GAB1: variants seen among roughly 807,000 people sequenced by gnomAD.
GAB1 encodes the protein GRB2-associated-binding protein 1.
Under a neutral mutation model 66.5 loss-of-function variants are expected in GAB1, and 19 were observed. The ratio of observed to expected loss-of-function variants is 0.29; its 90% CI spans 0.20 to 0.42. The LOEUF (loss-of-function observed/expected upper bound fraction) is 0.42. Among genes scored for constraint, GAB1 ranks in the 10% least tolerant of loss-of-function variants. The pLI, the probability that GAB1 is intolerant of heterozygous loss-of-function variation, is 1.00. For missense variants in GAB1, 732 were observed against 858.5 expected, an observed-to-expected ratio of 0.85 and a Z score of 1.84; for synonymous variants, 294 against 301.4, an observed-to-expected ratio of 0.98 and a Z score of 0.25.
At chr4:143,368,021 C>T (rs1178625242) in intron 1 of GAB1, among the ~76,000 whole-genome samples, 3 of 151,990 alleles carry the variant, frequency 2.0e-5, no homozygotes, top group Admixed American at 6.6e-5. Flanking sequence ...CACTGCTGCT[C>T]GGCCAGGGTC....
chr4:143,397,133 G>T (rs966352012), intron 1 of GAB1, among the ~76,000 whole-genome samples: 1 of 152,178 alleles, frequency 6.6e-6, no homozygotes, highest in Non-Finnish European at 1.5e-5. Context: ...CATCTAATGT[G>T]ACAGGAGCTT....
At chr4:143,417,452 G>T in intron 2 of GAB1, 1 of 430,644 alleles carries the variant, frequency 2.3e-6, no homozygotes, top group South Asian at 1.7e-5. Context: ...TTGTCGTCTA[G>T]GCTGGAGTAC....
intron 1 of GAB1, among the ~76,000 whole-genome samples, chr4:143,385,548 G>A (rs758895047): frequency 6.6e-6 from 1 of 152,098 alleles, no homozygotes; most frequent in Non-Finnish European, 1.5e-5. Flanking sequence ...CCTTCCTCTC[G>A]TTTCTCTGCC....
Position 143,407,512 on chromosome 4 carries a change from A to C in GAB1, c.73-7965A>C, listed in dbSNP as rs1732114144. Among the ~76,000 whole-genome samples, 5 of 152,142 alleles carry C rather than the reference A, an allele frequency of 3.3e-5. No homozygotes were observed. In the South Asian group the frequency reaches 1.0e-3, roughly 31 times the overall value. On this transcript the variant is annotated intron_variant, in intron 1 of 9. Coordinates refer to ENST00000262994, the MANE Select transcript of GAB1 (RefSeq NM_002039.4). ...AATGTACGTAAACTCTAATATCTTA[A>C]GTTTATGGAACAGTTGAAAGCTTAG...
chr4:143,468,602 T>C (rs1401983231), intron 9 of GAB1, among the ~76,000 whole-genome samples: 1 of 152,122 alleles, frequency 6.6e-6, no homozygotes, highest in South Asian at 2.1e-4. Context: ...TAGTTGATGT[T>C]ATTTTTTGTG....
intron 1 of GAB1, among the ~76,000 whole-genome samples, chr4:143,362,801 C>G (rs1202447475): frequency 1.3e-5 from 2 of 152,126 alleles, no homozygotes; most frequent in Admixed American, 1.3e-4. Context: ...GTGCCCACCT[C>G]CTATCTCATC....
chr4:143,393,196 G>A (rs1195387430), intron 1 of GAB1, among the ~76,000 whole-genome samples: 1 of 136,120 alleles, frequency 7.3e-6, no homozygotes, highest in African/African-American at 2.8e-5. Context: ...TACTGTTTAA[G>A]AAGGTTTTTC....
At chr4:143,399,684 T>A (rs896725538) in intron 1 of GAB1, among the ~76,000 whole-genome samples, 2 of 152,242 alleles carry the variant, frequency 1.3e-5, no homozygotes, top group African/African-American at 4.8e-5. Flanking sequence ...TCATTCATCC[T>A]TCTTATAAGG....
At chr4:143,425,913 A>C in intron 2 of GAB1, 1 of 1,359,748 alleles carries the variant, frequency 7.4e-7, no homozygotes, top group South Asian at 1.2e-5. Flanking sequence ...GGTAGGAGCA[A>C]CCACTGGAAG....
chr4:143,451,332 C>T (rs992937723), intron 6 of GAB1, among the ~76,000 whole-genome samples: 5 of 151,614 alleles, frequency 3.3e-5, no homozygotes, highest in African/African-American at 4.8e-5. Context: ...GGTAGGTGGG[C>T]GGGCAAAAAG....
rs192319669 is a variant in GAB1, at chr4:143,416,021, A to G, written c.367+250A>G. Among the ~76,000 whole-genome samples, 10 of 152,336 alleles carry G rather than the reference A, an allele frequency of 6.6e-5. No individual in the cohort carries two copies. The East Asian group carries it at 1.9e-3, about 29-fold the overall frequency. ...TCCTGAAGTAAAAGGTGACAAGAAGACATTTTAAGAACATTTATTGAATTC... is the reference window on the plus strand; with the variant it reads ...TCCTGAAGTAAAAGGTGACAAGAAGGCATTTTAAGAACATTTATTGAATTC... On this transcript the variant is annotated intron_variant, in intron 2 of 9. Coordinates refer to ENST00000262994, the MANE Select transcript of GAB1 (RefSeq NM_002039.4).
chr4:143,406,084 G>A (rs1443683284), intron 1 of GAB1, among the ~76,000 whole-genome samples: 1 of 152,162 alleles, frequency 6.6e-6, no homozygotes, highest in Non-Finnish European at 1.5e-5. Context: ...GTTTGCCCAG[G>A]ACTGAGCCAT....
rs112724190 is a variant in GAB1 at position 143,414,614 on chromosome 4, G to A, written c.73-863G>A. 3.9e-3 allele frequency among the ~76,000 whole-genome samples: 600 copies of A among 152,218 alleles called. 2 individuals carry two copies. Among genetic ancestry groups the A allele is most frequent in the Middle Eastern group, 0.02 (6 of 294 alleles). ...GAGAGACACAATCAATTGCTTCCCA[G>A]TCAAGAAGCCAGAAAAGCTTCAAAA... On this transcript the variant is annotated intron_variant, in intron 1 of 9. Transcript: ENST00000262994.
At chr4:143,452,400 T>C (rs1734975401) in intron 6 of GAB1, among the ~76,000 whole-genome samples, 1 of 152,214 alleles carries the variant, frequency 6.6e-6, no homozygotes, top group African/African-American at 2.4e-5. Context: ...TGCACGCTCT[T>C]CTAGATGGCA....
chr4:143,411,018 C>T (rs1732356470), intron 1 of GAB1, among the ~76,000 whole-genome samples: 1 of 152,106 alleles, frequency 6.6e-6, no homozygotes. Flanking sequence ...TGAGCTAAAT[C>T]TAGGGGGTAG....
chr4:143,425,535 A>G (rs1733299550), intron 2 of GAB1: 1 of 762,542 alleles, frequency 1.3e-6, no homozygotes, highest in Non-Finnish European at 2.4e-6. Flanking sequence ...CATCCCATGC[A>G]ACAACAAGGG....
chr4:143,355,484 T>C (rs1209504900), intron 1 of GAB1, among the ~76,000 whole-genome samples: 2 of 152,212 alleles, frequency 1.3e-5, no homozygotes, highest in Non-Finnish European at 1.5e-5. Flanking sequence ...TAATCATTTT[T>C]AAGTGCACGG....
At chr4:143,404,675 C>T (rs1731949728) in intron 1 of GAB1, among the ~76,000 whole-genome samples, 1 of 152,258 alleles carries the variant, frequency 6.6e-6, no homozygotes, top group Non-Finnish European at 1.5e-5. Context: ...TGCTTGAGCC[C>T]AGGAGGTTGA....
At chr4:143,459,549 A>G (rs1735375635) in intron 7 of GAB1, 71 bp downstream of exon 7, 2 of 925,590 alleles carry the variant, frequency 2.2e-6, no homozygotes, top group Non-Finnish European at 3.6e-6. Flanking sequence ...ATTATCATGG[A>G]AAATATCTGG....
Sources: gnomAD v4.1 joint callset for allele counts (sites outside exome capture counted in the v4.1 genomes callset) on GRCh38, gnomAD v4.1.1 for gene constraint, MANE v1.5 for transcripts, NCBI Gene and HGNC (gene_info 2026-07-23, HGNC 2026-07-21) for gene names.